The following PDE1C variants were observed in gnomAD, a reference collection of about 807,000 sequenced individuals.
PDE1C encodes dual specificity calcium/calmodulin-dependent 3',5'-cyclic nucleotide phosphodiesterase 1C.
A neutral mutation model predicts 93.1 loss-of-function variants in PDE1C; 62 were observed. The ratio of observed to expected loss-of-function variants is 0.67; its 90% CI spans 0.54 to 0.82. PDE1C has a LOEUF of 0.82. Among genes scored for constraint, PDE1C ranks in the 40% least tolerant of loss-of-function variants. The pLI, the probability that PDE1C is intolerant of heterozygous loss-of-function variation, is 0.00. For missense variants in PDE1C, 742 were observed against 884.6 expected, an observed-to-expected ratio of 0.84 and a Z score of 2.04; for synonymous variants, 325 against 310.1, an observed-to-expected ratio of 1.05 and a Z score of -0.50.
the PDE1C span, among the ~76,000 whole-genome samples, chr7:31,676,036 C>T: frequency 6.6e-6 from 1 of 152,146 alleles, no homozygotes; most frequent in Admixed American, 6.5e-5. Flanking sequence ...CTTGTTAATA[C>T]TATGGTGCTT....
intron 2 of PDE1C, among the ~76,000 whole-genome samples, chr7:32,038,646 T>G (rs1282238114): frequency 6.6e-6 from 1 of 152,172 alleles, no homozygotes; most frequent in Admixed American, 6.5e-5. Flanking sequence ...CTCTGAATGC[T>G]AGTGATATAT....
intron 1 of PDE1C, among the ~76,000 whole-genome samples, chr7:32,332,478 G>A (rs946006026): frequency 6.6e-6 from 1 of 151,182 alleles, no homozygotes; most frequent in Non-Finnish European, 1.5e-5. Context: ...TTTGGCTTTA[G>A]TATCTACTAA....
At chr7:31,650,075 G>C in the PDE1C span, among the ~76,000 whole-genome samples, 2 of 152,190 alleles carry the variant, frequency 1.3e-5, no homozygotes, top group African/African-American at 4.8e-5. Flanking sequence ...TTAGGATTCT[G>C]CCCTCCTAGA....
At chr7:32,309,981 T>A (rs906723323) in intron 1 of PDE1C, among the ~76,000 whole-genome samples, 5 of 152,146 alleles carry the variant, frequency 3.3e-5, no homozygotes, top group Non-Finnish European at 5.9e-5. Context: ...TTAAGACCCA[T>A]CAGTGTGCTG....
At chr7:31,681,381 ATG>A in the PDE1C span, among the ~76,000 whole-genome samples, 1 of 142,462 alleles carries the variant, frequency 7.0e-6, no homozygotes, top group Non-Finnish European at 1.5e-5. Flanking sequence ...GGATGGATGG[ATG>A]GATGGATGGA....
chr7:31,756,605 A>G (rs1253253379), intron 17 of PDE1C, among the ~76,000 whole-genome samples: 1 of 152,168 alleles, frequency 6.6e-6, no homozygotes, highest in African/African-American at 2.4e-5. Flanking sequence ...ATAATTAATA[A>G]TAATAAGGAC....
chr7:31,899,657 G>A (rs1042367142), intron 2 of PDE1C, among the ~76,000 whole-genome samples: 1 of 152,180 alleles, frequency 6.6e-6, no homozygotes, highest in Non-Finnish European at 1.5e-5. Context: ...AGGCTTCCAC[G>A]TGCGGGAGAC....
At chr7:31,629,203 C>A in the PDE1C span, among the ~76,000 whole-genome samples, 2 of 152,140 alleles carry the variant, frequency 1.3e-5, no homozygotes, top group South Asian at 4.2e-4. Flanking sequence ...TATTCAAAAT[C>A]GGATCTGCCC....
At chr7:32,203,127 C>T (rs1007502803) in intron 2 of PDE1C, among the ~76,000 whole-genome samples, 2 of 152,028 alleles carry the variant, frequency 1.3e-5, no homozygotes, top group Non-Finnish European at 2.9e-5. Flanking sequence ...GGTTCTGTCT[C>T]AAACGTAGTA....
chr7:32,166,807 C>G (rs7792012), intron 3 of PDE1C, among the ~76,000 whole-genome samples: 2 of 151,920 alleles, frequency 1.3e-5, no homozygotes, highest in African/African-American at 4.8e-5. Flanking sequence ...CATGTCTTGA[C>G]GCTGCATTTG....
At chr7:31,845,809 G>A (rs992402843) in intron 9 of PDE1C, among the ~76,000 whole-genome samples, 1 of 152,034 alleles carries the variant, frequency 6.6e-6, no homozygotes, top group Non-Finnish European at 1.5e-5. Context: ...TGACCAAAAT[G>A]GTGAAACACT....
In PDE1C at chr7:31,841,227, C is replaced by CTCTA. The variant is rs751320538; in HGVS notation, c.981-3257_981-3256insTAGA. On this transcript the variant is annotated intron_variant, in intron 9 of 17. Coordinates refer to ENST00000396191, the MANE Select transcript of PDE1C (RefSeq NM_001191057.4). ...TCTCTCTGTCTCTCTCTCTCTCTCT[C>CTCTA]TATATATATATATATATGTATATGT... Among the ~76,000 whole-genome samples the CTCTA allele has an allele frequency of 2.1e-3, 295 of 142,286 alleles. 2 individuals are homozygous for CTCTA. The highest frequency in any genetic ancestry group is 7.1e-3 in the African/African-American group (269 of 37,944). The allele number at this position is 142,286 out of a possible 152,430, so 93.3% of individuals were successfully genotyped here.
At chr7:32,346,021 C>T (rs1040912291) in intron 1 of PDE1C, among the ~76,000 whole-genome samples, 15 of 152,340 alleles carry the variant, frequency 9.8e-5, no homozygotes, top group African/African-American at 2.9e-4. Context: ...CTTACATCCA[C>T]ATGAAGACTC....
intron 1 of PDE1C, among the ~76,000 whole-genome samples, chr7:32,415,945 T>C (rs1275320110): frequency 1.3e-5 from 2 of 152,184 alleles, no homozygotes; most frequent in Non-Finnish European, 2.9e-5. Flanking sequence ...GAGCTGAGAA[T>C]TCTGAAAGGG....
chr7:32,189,931 C>T (rs1028371866), intron 2 of PDE1C, among the ~76,000 whole-genome samples: 2 of 152,176 alleles, frequency 1.3e-5, no homozygotes, highest in Admixed American at 1.3e-4. Flanking sequence ...ACTTTTGTAT[C>T]TACTTCTAAG....
intron 4 of PDE1C, among the ~76,000 whole-genome samples, chr7:31,878,262 C>A (rs1796834850): frequency 6.6e-6 from 1 of 151,998 alleles, no homozygotes; most frequent in Non-Finnish European, 1.5e-5. Context: ...GGAAAAAAAA[C>A]CTAACTCTAT....
At chr7:31,838,446 C>A (rs1056812659) in intron 9 of PDE1C, among the ~76,000 whole-genome samples, 1 of 152,118 alleles carries the variant, frequency 6.6e-6, no homozygotes, top group Non-Finnish European at 1.5e-5. Context: ...TACCTCACTT[C>A]CAGCACAGTT....
intron 1 of PDE1C, among the ~76,000 whole-genome samples, chr7:32,327,356 C>G (rs1020861319): frequency 6.6e-6 from 1 of 152,148 alleles, no homozygotes; most frequent in African/African-American, 2.4e-5. Flanking sequence ...GTAACCATCA[C>G]GTGGATCAGG....
At chr7:31,911,508 G>A (rs1300305673) in intron 2 of PDE1C, among the ~76,000 whole-genome samples, 3 of 152,080 alleles carry the variant, frequency 2.0e-5, no homozygotes, top group Non-Finnish European at 2.9e-5. Context: ...ACCTCATTCC[G>A]TTAGCTAGTC....
Sources: gnomAD v4.1 joint callset for allele counts (sites outside exome capture counted in the v4.1 genomes callset) on GRCh38, gnomAD v4.1.1 for gene constraint, MANE v1.5 for transcripts, NCBI Gene and HGNC (gene_info 2026-07-23, HGNC 2026-07-21) for gene names.